Variants in PYHIN1 observed in about 807,000 individuals in gnomAD.
PYHIN1 encodes the protein pyrin and HIN domain-containing protein 1.
PYHIN1 carries 32 observed loss-of-function variants against 43.7 expected under a neutral mutation model. That is an observed-to-expected ratio of 0.73 (90% CI 0.55 to 0.98). PYHIN1 has a LOEUF of 0.98. Ranked by LOEUF, PYHIN1 falls within the 50% of genes least tolerant of loss-of-function variation. The pLI is 0.00. For missense variants in PYHIN1, 588 were observed against 589.5 expected (o/e 1.00, Z 0.03); for synonymous variants, 205 against 203.1 (o/e 1.01, Z -0.08).
chr1:158,938,358 C>G, intron 2 of PYHIN1, 39 bp from the exon 3 acceptor site: 2 of 1,608,976 alleles, frequency 1.2e-6, no homozygotes, highest in Middle Eastern at 1.7e-4. Context: ...CCCCGATCAT[C>G]TGCTCTGGGT....
Position 158,976,740 on chromosome 1 carries a change from C to G in PYHIN1, c.*45C>G. 6.2e-7 allele frequency: 1 copy of G among 1,602,060 alleles called. No individual in the cohort carries two copies. Among genetic ancestry groups the G allele is most frequent in the South Asian group, 1.1e-5 (1 of 88,656 alleles). On this transcript the variant is annotated 3_prime_UTR_variant, in exon 9 of 9. Coordinates refer to ENST00000368140, the MANE Select transcript of PYHIN1 (RefSeq NM_152501.5). ...GGATATCAAATAACTACTGTTCAATCTTTACTCAAGTGTGGAAATTTTGCC... is the reference window on the plus strand; with the variant it reads ...GGATATCAAATAACTACTGTTCAATGTTTACTCAAGTGTGGAAATTTTGCC...
chr1:158,944,719 TTGGCAGTTGC>T (rs1649124375), intron 6 of PYHIN1, among the ~76,000 whole-genome samples, 146 bp from the exon 7 acceptor site: 1 of 152,210 alleles, frequency 6.6e-6, no homozygotes, highest in Admixed American at 6.5e-5. Flanking sequence ...AAAAAATATA[TTGGCAGTTGC>T]CTGGAGGAAT....
rs1299768965 is a variant in PYHIN1 at position 158,933,890 on chromosome 1, CT to C, written c.-21+2119del. ...TTCTTACTTGTCTTTTGGCCTGCAG[CT>C]TTTTAAAATTTTTTTTTAATTTTCT... On this transcript the variant is annotated intron_variant, in intron 1 of 8. Transcript: ENST00000368140. This position sits in a 1 kb window ranked among gnomAD's most constrained non-coding sequence, Gnocchi z 6.3. Among the ~76,000 whole-genome samples the C allele has an allele frequency of 6.6e-6, 1 of 151,904 alleles. No individual in the cohort carries two copies. Among genetic ancestry groups the C allele is most frequent in the Non-Finnish European group, 1.5e-5 (1 of 67,958 alleles).
rs1204389006 is a variant in PYHIN1 at position 158,937,076 on chromosome 1, T to A, written c.166T>A (p.Phe56Ile). 2 of 1,614,064 alleles carry A rather than the reference T, an allele frequency of 1.2e-6. No homozygotes were observed. The highest frequency in any genetic ancestry group is 1.7e-6 in the Non-Finnish European group (2 of 1,180,034). Residue 56 changes from phenylalanine (F) to isoleucine (I), a missense_variant, in exon 2 of 9, where the codon TTC becomes ATC. By Grantham distance (21) the Phe-to-Ile change is conservative (BLOSUM62 0). Coordinates refer to ENST00000368140, the MANE Select transcript of PYHIN1 (RefSeq NM_152501.5). ...GATTGCTGACTTGATGGAGGAAAAG[T>A]TCCCAGGTGATGCCGGTTTGGGCAA... Reference protein sequence around the residue: ...IQIADLMEEKFPGDAGLGKLI... With the variant: ...IQIADLMEEKIPGDAGLGKLI...
intron 7 of PYHIN1, among the ~76,000 whole-genome samples, chr1:158,958,293 A>G (rs1292428472): frequency 6.7e-6 from 1 of 149,820 alleles, no homozygotes; most frequent in East Asian, 2.0e-4. Flanking sequence ...GCTGCTATAA[A>G]GACACATGCA....
rs1650507509 is a variant in PYHIN1 at position 158,964,495 on chromosome 1, G to GC, written c.1360-9152_1360-9151insC. 2.6e-5 allele frequency among the ~76,000 whole-genome samples: 4 copies of GC among 152,172 alleles called. No individual in the cohort carries two copies. In the South Asian group the frequency reaches 8.3e-4, roughly 32 times the overall value. On this transcript the variant is annotated intron_variant, in intron 7 of 8. Coordinates refer to ENST00000368140, the MANE Select transcript of PYHIN1 (RefSeq NM_152501.5). Reference sequence around the variant, plus strand: ...CTAGAGAGAAGGGGCAGGTCACTGGGAAGGTCACCTACAAAAGGAACCCTA... The same window carrying GC: ...CTAGAGAGAAGGGGCAGGTCACTGGGCAAGGTCACCTACAAAAGGAACCCTA...
chr1:158,961,298 TTTC>T (rs1650305197), intron 7 of PYHIN1, among the ~76,000 whole-genome samples: 1 of 152,030 alleles, frequency 6.6e-6, no homozygotes, highest in Non-Finnish European at 1.5e-5. Context: ...TTATGTATCT[TTTC>T]TTATTTGTTC....
At chr1:158,980,965 C>T (rs1465439209), downstream of PYHIN1, among the ~76,000 whole-genome samples, 2 of 152,240 alleles carry the variant, frequency 1.3e-5, no homozygotes, top group African/African-American at 2.4e-5. Context: ...CATGAAGTCA[C>T]CCCTCGTGGC....
At chr1:158,980,396 G>A (rs1019630376), downstream of PYHIN1, among the ~76,000 whole-genome samples, 1 of 152,056 alleles carries the variant, frequency 6.6e-6, no homozygotes, top group African/African-American at 2.4e-5. Context: ...TGCGGGTTTG[G>A]GCAAAACGAG....
intron 7 of PYHIN1, among the ~76,000 whole-genome samples, chr1:158,968,859 C>T (rs1650782988): frequency 6.6e-6 from 1 of 151,708 alleles, no homozygotes; most frequent in Admixed American, 6.6e-5. Context: ...ACACACGGAC[C>T]CAAAGAGGAG....
At chr1:158,960,847 C>T (rs1650278909) in intron 7 of PYHIN1, among the ~76,000 whole-genome samples, 1 of 152,144 alleles carries the variant, frequency 6.6e-6, no homozygotes, top group Non-Finnish European at 1.5e-5. Context: ...ATCTAAATTC[C>T]ACCATTGTGA....
chr1:158,959,842 G>A (rs984622270), intron 7 of PYHIN1, among the ~76,000 whole-genome samples: 4 of 152,204 alleles, frequency 2.6e-5, no homozygotes, highest in Non-Finnish European at 5.9e-5. Flanking sequence ...TACAAGAGGG[G>A]AAAGGTCAGT....
At chr1:158,964,014 G>GA (rs1349109491) in intron 7 of PYHIN1, among the ~76,000 whole-genome samples, 2 of 152,024 alleles carry the variant, frequency 1.3e-5, no homozygotes, top group African/African-American at 2.4e-5. Context: ...GGAGCTGATA[G>GA]AAAAAATGGC....
chr1:158,964,977 T>C (rs954535504), intron 7 of PYHIN1, among the ~76,000 whole-genome samples: 1 of 152,212 alleles, frequency 6.6e-6, no homozygotes, highest in Non-Finnish European at 1.5e-5. Flanking sequence ...AATGGTATAC[T>C]GTCCTCAAGA....
At chr1:158,941,758 T>A (rs965380978) in intron 4 of PYHIN1, among the ~76,000 whole-genome samples, 3 of 152,248 alleles carry the variant, frequency 2.0e-5, no homozygotes, top group African/African-American at 7.2e-5. Context: ...AGGATTATTC[T>A]GTTTAAAGAA....
chr1:158,982,916 A>G, the PYHIN1 span, among the ~76,000 whole-genome samples: 2 of 151,892 alleles, frequency 1.3e-5, no homozygotes, highest in Non-Finnish European at 2.9e-5. Context: ...GAAAGGAACT[A>G]TGTTCTTGGT....
At chr1:158,951,267 T>G (rs1649516213) in intron 7 of PYHIN1, among the ~76,000 whole-genome samples, 1 of 152,134 alleles carries the variant, frequency 6.6e-6, no homozygotes, top group Admixed American at 6.5e-5. Context: ...GTCTGCTTGT[T>G]CATTGCCATA....
the PYHIN1 span, among the ~76,000 whole-genome samples, chr1:158,990,702 C>T: frequency 6.6e-6 from 1 of 152,130 alleles, no homozygotes; most frequent in African/African-American, 2.4e-5. Flanking sequence ...CCTTTGTTTA[C>T]CACCACTCTA....
At chr1:158,981,482 G>T (rs1019546053), downstream of PYHIN1, among the ~76,000 whole-genome samples, 3 of 152,106 alleles carry the variant, frequency 2.0e-5, no homozygotes, top group Admixed American at 6.5e-5. Flanking sequence ...AAAAGATAAA[G>T]AAATAAATAA....
Sources: allele counts gnomAD v4.1 joint callset (sites outside exome capture counted in the v4.1 genomes callset), GRCh38; gene constraint gnomAD v4.1.1; non-coding constraint Gnocchi (gnomAD v3.1); transcripts MANE v1.5; gene names NCBI Gene and HGNC (gene_info 2026-07-23, HGNC 2026-07-21).